KLHL6: variants seen among roughly 807,000 people sequenced by gnomAD.
KLHL6 encodes the protein kelch like family member 6.
Under a neutral mutation model 58.6 loss-of-function variants are expected in KLHL6, and 41 were observed. That is an observed-to-expected ratio of 0.70 (90% CI 0.55 to 0.91). KLHL6 has a LOEUF of 0.91. KLHL6 is among the 40% of genes least tolerant of loss of function. The probability of loss-of-function intolerance (pLI) is 0.00; values close to 1 mark genes in which losing one functional copy is unlikely to be tolerated. For synonymous variants in KLHL6, 338 were observed against 322.7 expected (o/e 1.05, Z -0.51); for missense variants, 714 against 805.6 (o/e 0.89, Z 1.38).
intron 2 of KLHL6, among the ~76,000 whole-genome samples, chr3:183,523,996 G>A (rs907706838): frequency 1.2e-4 from 19 of 152,190 alleles, no homozygotes; most frequent in Admixed American, 1.0e-3. Flanking sequence ...CCTGACATCA[G>A]GTGATGCACC....
intron 2 of KLHL6, among the ~76,000 whole-genome samples, chr3:183,510,082 G>A (rs1718138474): frequency 6.6e-6 from 1 of 152,100 alleles, no homozygotes; most frequent in Non-Finnish European, 1.5e-5. Flanking sequence ...ACAAAGCACT[G>A]TTATATCCAT....
chr3:183,541,496 C>T (rs929687998), intron 1 of KLHL6, among the ~76,000 whole-genome samples: 1 of 152,180 alleles, frequency 6.6e-6, no homozygotes, highest in African/African-American at 2.4e-5. Flanking sequence ...TTGCAACCCC[C>T]AGAAAGGGGC....
At chr3:183,506,132 C>T (rs576357458) in intron 3 of KLHL6, among the ~76,000 whole-genome samples, 23 of 152,346 alleles carry the variant, frequency 1.5e-4, no homozygotes, top group African/African-American at 5.1e-4. Flanking sequence ...ATCCCAGAAC[C>T]ACTGCATAGT....
rs375574610 is a variant in KLHL6 at position 183,528,924 on chromosome 3, AAAG to A, written c.294-917_294-915del. 9.8e-5 allele frequency among the ~76,000 whole-genome samples: 15 copies of A among 152,318 alleles called. No individual in the cohort carries two copies. In the East Asian group the frequency reaches 2.7e-3, roughly 27 times the overall value. On this transcript the variant is annotated intron_variant, in intron 1 of 6. Transcript: ENST00000341319. ...AATGCCCACCAGTGATAGACTGGAT[AAAG>A]AAAATGTGGTACATAAACACCATGG...
At chr3:183,523,654 T>A (rs549117950) in intron 2 of KLHL6, among the ~76,000 whole-genome samples, 20 of 152,242 alleles carry the variant, frequency 1.3e-4, no homozygotes, top group African/African-American at 4.3e-4. Context: ...AAGCTCCCAA[T>A]CCCTTACTCT....
intron 3 of KLHL6, among the ~76,000 whole-genome samples, chr3:183,501,099 T>C (rs898458194): frequency 3.9e-5 from 6 of 152,180 alleles, no homozygotes; most frequent in Non-Finnish European, 5.9e-5. Context: ...GGCTGTTCCT[T>C]ACAGGTCAGC....
At chr3:183,514,642 C>T (rs1409867647) in intron 2 of KLHL6, among the ~76,000 whole-genome samples, 1 of 151,858 alleles carries the variant, frequency 6.6e-6, no homozygotes, top group African/African-American at 2.4e-5. Context: ...CCACACAGGG[C>T]TGTTTTCTTT....
rs113551843 is a variant in KLHL6 at position 183,499,110 on chromosome 3, A to G, written c.1147+480T>C. Among the ~76,000 whole-genome samples the G allele has an allele frequency of 0.044, 6,677 of 152,222 alleles. 503 individuals are homozygous for G. Among genetic ancestry groups the G allele is most frequent in the African/African-American group, 0.15 (6,340 of 41,520 alleles). ...TAATCCCAGCACTTTGGGAGGCCGA[A>G]GCTGGTGCATCACCTATGGTCAGGA... is the stretch of plus-strand genomic sequence containing the variant. On this transcript the variant is annotated intron_variant, in intron 4 of 6. Coordinates refer to ENST00000341319, the MANE Select transcript of KLHL6 (RefSeq NM_130446.4). This position sits in a 1 kb window ranked among gnomAD's most constrained non-coding sequence, Gnocchi z 4.6.
chr3:183,513,718 T>A (rs570822851), intron 2 of KLHL6, among the ~76,000 whole-genome samples: 13 of 152,064 alleles, frequency 8.5e-5, no homozygotes, highest in East Asian at 7.7e-4. Context: ...TCTTTTTTTT[T>A]ATTTTACTTT....
rs746896866 is a variant in KLHL6 at position 183,555,486 on chromosome 3, T to C, written c.168A>G (p.Leu56=). 1.2e-6 allele frequency: 2 copies of C among 1,614,144 alleles called. No homozygotes were observed. Among genetic ancestry groups the C allele is most frequent in the Non-Finnish European group, 1.7e-6 (2 of 1,180,028 alleles). ...KVKFDDAGLS[L]ILQNGLETLR... ...GGGTTTCCAGGCCATTCTGAAGAAT[T>C]AAGGAGAGTCCCGCGTCGTCAAATT... The change falls in exon 1 of 7, where the codon TTA becomes TTG. Residue 56 remains leucine (L), a synonymous_variant. Transcript: ENST00000341319.
intron 1 of KLHL6, among the ~76,000 whole-genome samples, chr3:183,546,794 G>T (rs564694421): frequency 6.6e-6 from 1 of 152,156 alleles, no homozygotes; most frequent in South Asian, 2.1e-4. Flanking sequence ...GACGTAAATT[G>T]TTAGCCTCGC....
intron 1 of KLHL6, among the ~76,000 whole-genome samples, chr3:183,528,451 C>A (rs1032889464): frequency 6.6e-6 from 1 of 152,234 alleles, no homozygotes; most frequent in Non-Finnish European, 1.5e-5. Flanking sequence ...GCCAGAAGTG[C>A]AAGTGGCTCC....
intron 1 of KLHL6, among the ~76,000 whole-genome samples, chr3:183,528,671 TG>T: frequency 6.6e-6 from 1 of 152,222 alleles, no homozygotes; most frequent in East Asian, 1.9e-4. Flanking sequence ...ATCGTAGCAT[TG>T]GATGGACCAG....
chr3:183,550,180 T>C (rs2108700211), intron 1 of KLHL6, among the ~76,000 whole-genome samples: 1 of 152,150 alleles, frequency 6.6e-6, no homozygotes, highest in East Asian at 1.9e-4. Flanking sequence ...GAGAAAAATC[T>C]TCCAGAAAGT....
At chr3:183,513,654 A>G (rs902749193) in intron 2 of KLHL6, among the ~76,000 whole-genome samples, 5 of 152,224 alleles carry the variant, frequency 3.3e-5, no homozygotes, top group Non-Finnish European at 7.3e-5. Context: ...TCCACCTGGC[A>G]ATTCATCCAT....
At chr3:183,544,055 C>T (rs1282400980) in intron 1 of KLHL6, among the ~76,000 whole-genome samples, 3 of 149,890 alleles carry the variant, frequency 2.0e-5, no homozygotes, top group East Asian at 2.0e-4. Flanking sequence ...CCCAGCTACT[C>T]GGGCGGCTGA....
intron 1 of KLHL6, among the ~76,000 whole-genome samples, chr3:183,534,131 T>TAAAA (rs10663153): frequency 0.15 from 3,964 of 27,044 alleles, 101 homozygotes; most frequent in African/African-American, 0.24. Flanking sequence ...TAAAGTACTT[T>TAAAA]GTACTTTTAA....
intron 2 of KLHL6, among the ~76,000 whole-genome samples, chr3:183,527,559 C>A (rs1349712019): frequency 6.6e-6 from 1 of 152,158 alleles, no homozygotes; most frequent in African/African-American, 2.4e-5. Flanking sequence ...GGAGTCAGGA[C>A]CCATGCCTAG....
At chr3:183,500,530 G>A (rs531637773) in intron 3 of KLHL6, among the ~76,000 whole-genome samples, 1 of 152,278 alleles carries the variant, frequency 6.6e-6, no homozygotes, top group South Asian at 2.1e-4. Flanking sequence ...GAAGTAACAC[G>A]ATCTCTGTAA....
Sources: gnomAD v4.1 joint callset for allele counts (sites outside exome capture counted in the v4.1 genomes callset) on GRCh38, gnomAD v4.1.1 for gene constraint, Gnocchi (gnomAD v3.1) non-coding constraint, MANE v1.5 for transcripts, NCBI Gene and HGNC (gene_info 2026-07-23, HGNC 2026-07-21) for gene names.